PLA2G4A: variants seen among roughly 807,000 people sequenced by gnomAD.
PLA2G4A encodes the protein cytosolic phospholipase A2.
Under a neutral mutation model 81.9 loss-of-function variants are expected in PLA2G4A, and 40 were observed. The observed-to-expected ratio is 0.49, with a 90% CI of 0.38 to 0.64. The LOEUF (loss-of-function observed/expected upper bound fraction) is 0.64, where lower values mean the gene tolerates loss of function less well. Among genes scored for constraint, PLA2G4A ranks in the 30% least tolerant of loss-of-function variants. The probability of loss-of-function intolerance (pLI) is 0.00; values close to 1 mark genes in which losing one functional copy is unlikely to be tolerated. For synonymous variants in PLA2G4A, 302 were observed against 296.9 expected, an observed-to-expected ratio of 1.02 and a Z score of -0.18; for missense variants, 715 against 905.1, an observed-to-expected ratio of 0.79 and a Z score of 2.69.
Position 186,943,179 on chromosome 1 carries a change from C to T in PLA2G4A, c.1033+3085C>T, listed in dbSNP as rs375198261. On this transcript the variant is annotated intron_variant, in intron 10 of 17. Coordinates refer to ENST00000367466, the MANE Select transcript of PLA2G4A (RefSeq NM_024420.3). Reference sequence around the variant, plus strand: ...ATTAACAATTTTACTTCAACAATACCGGATAATATTTTCCCTTCCTCTTGG... The same window carrying T: ...ATTAACAATTTTACTTCAACAATACTGGATAATATTTTCCCTTCCTCTTGG... Among the ~76,000 whole-genome samples the T allele has an allele frequency of 5.3e-4, 80 of 152,142 alleles. 3 individuals carry two copies. The highest frequency in any genetic ancestry group is 4.1e-3 in the East Asian group (21 of 5,178).
chr1:186,883,491 G>T (rs542028555), intron 3 of PLA2G4A, among the ~76,000 whole-genome samples: 1 of 152,172 alleles, frequency 6.6e-6, no homozygotes, highest in African/African-American at 2.4e-5. Flanking sequence ...GTGTTTTCAA[G>T]ACCATATAAA....
chr1:186,841,801 C>G (rs1651990220), intron 1 of PLA2G4A, among the ~76,000 whole-genome samples: 1 of 152,116 alleles, frequency 6.6e-6, no homozygotes, highest in Non-Finnish European at 1.5e-5. Context: ...TTATGTGAAA[C>G]TGGGCTGGCC....
intron 17 of PLA2G4A, among the ~76,000 whole-genome samples, chr1:186,985,116 G>A (rs1018089842): frequency 2.0e-5 from 3 of 152,126 alleles, no homozygotes; most frequent in African/African-American, 7.2e-5. Context: ...TGAATTCCCA[G>A]ATGTCTCTGA....
At chr1:186,952,711 G>A (rs200923299) in intron 13 of PLA2G4A, among the ~76,000 whole-genome samples, 24 of 6,766 alleles carry the variant, frequency 3.5e-3, no homozygotes, top group Non-Finnish European at 3.3e-3. Context: ...CTCCTGCCCC[G>A]TCCCCTCCTC....
At chr1:186,957,785 TA>T (rs1238312450) in intron 14 of PLA2G4A, among the ~76,000 whole-genome samples, 1 of 152,256 alleles carries the variant, frequency 6.6e-6, no homozygotes, top group East Asian at 1.9e-4. Flanking sequence ...GTTATAAAGT[TA>T]AATTTGCTTT....
In PLA2G4A at chr1:186,944,562, A is replaced by C. The variant is rs530161313; in HGVS notation, c.1034-2075A>C. On this transcript the variant is annotated intron_variant, in intron 10 of 17. Transcript: ENST00000367466. ...TTCCACGTAAATCGTTGTAAATCAC[A>C]CCACTTTCTGATGAAGAATATATGT... is the stretch of plus-strand genomic sequence containing the variant. Among the ~76,000 whole-genome samples, 6 of 152,242 alleles carry C rather than the reference A, an allele frequency of 3.9e-5. 1 individual carries two copies. Among genetic ancestry groups the C allele is most frequent in the African/African-American group, 1.2e-4 (5 of 41,544 alleles).
Position 186,979,457 on chromosome 1 carries a change from T to C in PLA2G4A, c.2103T>C (p.Thr701=). ...TACATGATCTTATGCACTTCAATAC[T>C]CTGAACAACATTGATGTAAGTATCT... ...KRLHDLMHFN[T]LNNIDVIKEA... is the part of the protein sequence containing the mutation. Residue 701 remains threonine (T), a synonymous_variant, in exon 17 of 18, where the codon ACT becomes ACC. Coordinates refer to ENST00000367466, the MANE Select transcript of PLA2G4A (RefSeq NM_024420.3). 1 of 1,598,300 alleles carries C rather than the reference T, an allele frequency of 6.3e-7. No individual in the cohort carries two copies. Among genetic ancestry groups the C allele is most frequent in the Non-Finnish European group, 8.6e-7 (1 of 1,165,542 alleles).
chr1:186,940,428 A>G (rs749534394), intron 10 of PLA2G4A, among the ~76,000 whole-genome samples: 3 of 152,180 alleles, frequency 2.0e-5, no homozygotes, highest in Non-Finnish European at 4.4e-5. Context: ...AAATTGTTTT[A>G]CTTGTTGGTT....
intron 5 of PLA2G4A, among the ~76,000 whole-genome samples, chr1:186,898,462 C>T (rs941627300): frequency 1.3e-5 from 2 of 152,112 alleles, no homozygotes; most frequent in Non-Finnish European, 2.9e-5. Context: ...TGTGAACTCT[C>T]TAGGGAGCTT....
chr1:186,871,257 G>A (rs993336758), intron 3 of PLA2G4A, among the ~76,000 whole-genome samples: 7 of 151,998 alleles, frequency 4.6e-5, no homozygotes, highest in African/African-American at 1.4e-4. Context: ...TTTTAAAAAA[G>A]GCAATTTTCC....
intron 17 of PLA2G4A, among the ~76,000 whole-genome samples, chr1:186,981,931 T>G (rs1657734378): frequency 6.6e-6 from 1 of 152,206 alleles, no homozygotes; most frequent in African/African-American, 2.4e-5. Context: ...GGACAGACAG[T>G]AGCACTAAAT....
intron 1 of PLA2G4A, among the ~76,000 whole-genome samples, chr1:186,842,478 G>T (rs933144433): frequency 6.6e-6 from 1 of 152,030 alleles, no homozygotes; most frequent in Non-Finnish European, 1.5e-5. Flanking sequence ...AACCTGTTAC[G>T]GGCTGAAATA....
At chr1:186,872,357 C>T (rs1003719200) in intron 3 of PLA2G4A, among the ~76,000 whole-genome samples, 1 of 151,982 alleles carries the variant, frequency 6.6e-6, no homozygotes, top group African/African-American at 2.4e-5. Context: ...AAAAGGCGTG[C>T]GTTTTACAAC....
intron 14 of PLA2G4A, among the ~76,000 whole-genome samples, chr1:186,960,650 G>C (rs1222879668): frequency 1.3e-5 from 2 of 152,126 alleles, no homozygotes; most frequent in Non-Finnish European, 2.9e-5. Context: ...CTTGAGGATA[G>C]TACTTTAAAA....
intron 3 of PLA2G4A, among the ~76,000 whole-genome samples, chr1:186,875,331 TA>T (rs1324196732): frequency 6.6e-6 from 1 of 152,034 alleles, no homozygotes; most frequent in East Asian, 1.9e-4. Flanking sequence ...GAAATTCTTA[TA>T]AAAGGATGCT....
chr1:186,963,694 G>T (rs867102271), intron 14 of PLA2G4A, among the ~76,000 whole-genome samples: 1 of 152,100 alleles, frequency 6.6e-6, no homozygotes, highest in African/African-American at 2.4e-5. Context: ...ACTAGTAAGC[G>T]TTTGTAACAT....
At chr1:186,895,469 C>T (rs1474870074) in intron 5 of PLA2G4A, among the ~76,000 whole-genome samples, 1 of 152,190 alleles carries the variant, frequency 6.6e-6, no homozygotes, top group East Asian at 1.9e-4. Flanking sequence ...ATTCCTTTTA[C>T]AAACATTTAT....
chr1:186,842,357 A>G (rs971571669), intron 1 of PLA2G4A, among the ~76,000 whole-genome samples: 7 of 151,884 alleles, frequency 4.6e-5, no homozygotes. Context: ...ATCATGTCTT[A>G]TATCACATCT....
At chr1:186,940,123 C>A in intron 10 of PLA2G4A, 29 bp downstream of exon 10, 2 of 1,179,736 alleles carry the variant, frequency 1.7e-6, no homozygotes, top group African/African-American at 1.5e-5. Context: ...CAGAACACTT[C>A]CTGGAACCTC....
Sources: allele counts gnomAD v4.1 joint callset (sites outside exome capture counted in the v4.1 genomes callset), GRCh38; gene constraint gnomAD v4.1.1; transcripts MANE v1.5; gene names NCBI Gene and HGNC (gene_info 2026-07-23, HGNC 2026-07-21).